Variants in ALPK1 observed in about 807,000 individuals in gnomAD.
ALPK1 encodes alpha kinase 1.
ALPK1 carries 110 observed loss-of-function variants against 120.6 expected under a neutral mutation model. The observed-to-expected ratio is 0.91, with a 90% confidence interval of 0.78 to 1.07. ALPK1 has a LOEUF of 1.07. Among genes scored for constraint, ALPK1 ranks in the 50% least tolerant of loss-of-function variants. The pLI, the probability that ALPK1 is intolerant of heterozygous loss-of-function variation, is 0.00. For synonymous variants in ALPK1, 582 were observed against 560.3 expected (o/e 1.04, Z -0.55); for missense variants, 1,498 against 1,483.9 (o/e 1.01, Z -0.16).
chr4:112,398,848 G>T (rs1274374762), intron 4 of ALPK1, among the ~76,000 whole-genome samples: 2 of 152,136 alleles, frequency 1.3e-5, no homozygotes, highest in Non-Finnish European at 2.9e-5. Context: ...AACATGATTT[G>T]CTGATGGATT....
intron 5 of ALPK1, among the ~76,000 whole-genome samples, chr4:112,423,306 G>A (rs915064491): frequency 1.3e-5 from 2 of 152,158 alleles, no homozygotes; most frequent in African/African-American, 4.8e-5. Flanking sequence ...GGGATGATAA[G>A]GAGGCCACTG....
intron 2 of ALPK1, among the ~76,000 whole-genome samples, chr4:112,348,804 C>G (rs1196094189): frequency 6.6e-6 from 1 of 152,184 alleles, no homozygotes. Flanking sequence ...CTGCCAATCC[C>G]CAGGCCAGAG....
At chr4:112,392,683 T>C (rs1233639156) in intron 4 of ALPK1, among the ~76,000 whole-genome samples, 1 of 152,170 alleles carries the variant, frequency 6.6e-6, no homozygotes, top group African/African-American at 2.4e-5. Flanking sequence ...CATGTCACCA[T>C]GCCTGGCTAA....
At chr4:112,308,192 A>G in intron 1 of ALPK1, among the ~76,000 whole-genome samples, 1 of 151,860 alleles carries the variant, frequency 6.6e-6, no homozygotes, top group Non-Finnish European at 1.5e-5. Context: ...TTTTTCCTTC[A>G]TTTCAACTTT....
At position 112,426,457 on chromosome 4, in the gene ALPK1, T is replaced by C; in HGVS notation, c.623-10T>C. The C allele has an allele frequency of 6.2e-7, 1 of 1,610,060 alleles. No individual in the cohort carries two copies. Among genetic ancestry groups the C allele is most frequent in the Non-Finnish European group, 8.5e-7 (1 of 1,178,156 alleles). On this transcript the variant is annotated splice_polypyrimidine_tract_variant and intron_variant, in intron 7 of 15. Coordinates refer to ENST00000650871, the MANE Select transcript of ALPK1 (RefSeq NM_025144.4). ...CCTGTCCCTCTCCCCGCCCCTCTTTTTTTTTTCAGGGATGTGGTACGAAGC... is the reference window on the plus strand; with the variant it reads ...CCTGTCCCTCTCCCCGCCCCTCTTTCTTTTTTCAGGGATGTGGTACGAAGC...
chr4:112,411,575 A>G (rs1345519742), intron 4 of ALPK1: 2 of 530,570 alleles, frequency 3.8e-6, no homozygotes, highest in East Asian at 6.8e-5. Flanking sequence ...TAACAACGGG[A>G]AGTATGCATT....
intron 2 of ALPK1, among the ~76,000 whole-genome samples, chr4:112,342,487 A>G (rs563733807): frequency 3.3e-5 from 5 of 152,196 alleles, no homozygotes; most frequent in Non-Finnish European, 5.9e-5. Flanking sequence ...GATATTTACT[A>G]TTTTAGCAAA....
chr4:112,378,286 A>G (rs970651062), intron 3 of ALPK1, among the ~76,000 whole-genome samples: 26 of 152,168 alleles, frequency 1.7e-4, no homozygotes, highest in African/African-American at 5.8e-4. Context: ...ATCGGTTTCC[A>G]TAGACTTCTA....
At chr4:112,305,010 CT>C (rs776294078) in intron 1 of ALPK1, among the ~76,000 whole-genome samples, 3 of 152,094 alleles carry the variant, frequency 2.0e-5, no homozygotes, top group Non-Finnish European at 2.9e-5. Flanking sequence ...ATAGGGACTC[CT>C]TTCCCCATTT....
At chr4:112,316,978 A>C (rs1728663655) in intron 2 of ALPK1, among the ~76,000 whole-genome samples, 1 of 152,170 alleles carries the variant, frequency 6.6e-6, no homozygotes, top group East Asian at 1.9e-4. Context: ...AACAACAACA[A>C]AAAAACTTTA....
In ALPK1 at chr4:112,382,118, T is replaced by C. The variant is rs372675525; in HGVS notation, c.122-280T>C. Among the ~76,000 whole-genome samples the C allele has an allele frequency of 3.3e-5, 5 of 152,280 alleles. No homozygotes were observed. In the South Asian group the frequency reaches 8.3e-4, roughly 25 times the overall value. On this transcript the variant is annotated intron_variant, in intron 3 of 15. Coordinates refer to ENST00000650871, the MANE Select transcript of ALPK1 (RefSeq NM_025144.4). ...TGATTCTTCATGCAGAGATAGTCAC[T>C]AAAGTGCTTTACTTCCTGCTAAAAA...
chr4:112,436,904 A>T (rs1017376989), intron 12 of ALPK1, among the ~76,000 whole-genome samples: 1 of 152,330 alleles, frequency 6.6e-6, no homozygotes, highest in South Asian at 2.1e-4. Context: ...TATATTTCTG[A>T]TCAGAAGAAA....
chr4:112,332,364 CA>C (rs1729421059), intron 2 of ALPK1, among the ~76,000 whole-genome samples: 1 of 152,178 alleles, frequency 6.6e-6, no homozygotes, highest in Non-Finnish European at 1.5e-5. Context: ...GGGGATATCT[CA>C]ATATACTCCA....
At chr4:112,369,302 C>A (rs1377934591) in intron 2 of ALPK1, among the ~76,000 whole-genome samples, 2 of 152,106 alleles carry the variant, frequency 1.3e-5, no homozygotes, top group African/African-American at 4.8e-5. Flanking sequence ...CAGTCAGCTG[C>A]CTCTTTCTCC....
intron 2 of ALPK1, among the ~76,000 whole-genome samples, chr4:112,374,277 T>C (rs77239927): frequency 0.037 from 5,704 of 152,304 alleles, 259 homozygotes; most frequent in African/African-American, 0.11. Context: ...ACCACCTTCC[T>C]TGCCCATCTA....
intron 2 of ALPK1, among the ~76,000 whole-genome samples, chr4:112,365,331 C>A (rs1056748242): frequency 2.6e-5 from 4 of 152,148 alleles, no homozygotes; most frequent in African/African-American, 9.7e-5. Flanking sequence ...ATCCAAAAAG[C>A]TTCTAGAACT....
chr4:112,353,369 T>G (rs1189494927), intron 2 of ALPK1, among the ~76,000 whole-genome samples: 1 of 152,166 alleles, frequency 6.6e-6, no homozygotes, highest in Admixed American at 6.5e-5. Context: ...CTATAAAGAT[T>G]CTTATACATA....
intron 12 of ALPK1, among the ~76,000 whole-genome samples, chr4:112,435,968 A>C (rs1734773483): frequency 6.6e-6 from 1 of 152,248 alleles, no homozygotes; most frequent in Non-Finnish European, 1.5e-5. Flanking sequence ...CTTAATAAAA[A>C]TTTTAAACAA....
intron 6 of ALPK1, chr4:112,425,094 GC>G: frequency 6.6e-6 from 1 of 152,408 alleles, no homozygotes; most frequent in East Asian, 1.9e-4. Context: ...CAAAGGAGCA[GC>G]TTAGGTGCTA....
Sources: gnomAD v4.1 joint callset for allele counts (sites outside exome capture counted in the v4.1 genomes callset) on GRCh38, gnomAD v4.1.1 for gene constraint, MANE v1.5 for transcripts, NCBI Gene and HGNC (gene_info 2026-07-23, HGNC 2026-07-21) for gene names.